Variants in ERCC6 observed in about 807,000 individuals in gnomAD.
ERCC6 encodes the protein ERCC excision repair 6, chromatin remodeling factor, also known as DNA excision repair protein ERCC-6.
A neutral mutation model predicts 158.7 loss-of-function variants in ERCC6; 116 were observed. The ratio of observed to expected loss-of-function variants is 0.73; its 90% CI spans 0.63 to 0.85. ERCC6 has a LOEUF of 0.85. Among genes scored for constraint, ERCC6 ranks in the 40% least tolerant of loss-of-function variants. The pLI, the probability that ERCC6 is intolerant of heterozygous loss-of-function variation, is 0.00. For synonymous variants in ERCC6, 678 were observed against 659.3 expected (o/e 1.03, Z -0.43); for missense variants, 1,698 against 1,799.4 (o/e 0.94, Z 1.02).
chr10:49,454,740 A>T lies in ERCC6; in HGVS notation c.*4075T>A, dbSNP rs1764042226. Among the ~76,000 whole-genome samples the T allele has an allele frequency of 1.3e-5, 2 of 152,210 alleles. No homozygotes were observed. Among genetic ancestry groups the T allele is most frequent in the Non-Finnish European group, 2.9e-5 (2 of 68,034 alleles). ...AAAAGCTATACAATTATATCAATAT[A>T]TACCAGAAAAGACTTTGAGGACAAT... On this transcript the variant is annotated 3_prime_UTR_variant, in exon 21 of 21. Transcript: ENST00000355832.
At chr10:49,486,663 A>C (rs1424272169) in intron 8 of ERCC6, among the ~76,000 whole-genome samples, 1 of 152,242 alleles carries the variant, frequency 6.6e-6, no homozygotes, top group Non-Finnish European at 1.5e-5. Context: ...TGATAGCTAA[A>C]AAGTTCGTTG....
At chr10:49,488,081 A>G (rs1163489610) in intron 8 of ERCC6, 4 of 172,940 alleles carry the variant, frequency 2.3e-5, no homozygotes, top group Middle Eastern at 5.2e-4. Flanking sequence ...GCGGTTTCAA[A>G]TTAAAAGCTT....
intron 5 of ERCC6, among the ~76,000 whole-genome samples, chr10:49,511,789 C>A (rs1015914047): frequency 6.6e-6 from 1 of 152,180 alleles, no homozygotes; most frequent in South Asian, 2.1e-4. Context: ...TAGAAGAGAA[C>A]CCAACAACAG....
intron 1 of ERCC6, among the ~76,000 whole-genome samples, chr10:49,534,517 T>C (rs568251866): frequency 6.6e-6 from 1 of 152,170 alleles, no homozygotes; most frequent in Admixed American, 6.5e-5. Context: ...AACACACTTA[T>C]GCTGAAAAAA....
At chr10:49,461,241 G>A in intron 19 of ERCC6, 111 bp downstream of exon 19, 2 of 1,125,678 alleles carry the variant, frequency 1.8e-6, no homozygotes, top group Non-Finnish European at 1.3e-6. Context: ...CCTCCCTGGG[G>A]ATTTATTCCT....
At chr10:49,472,082 T>C (rs1004379266) in intron 16 of ERCC6, among the ~76,000 whole-genome samples, 5 of 152,320 alleles carry the variant, frequency 3.3e-5, no homozygotes, top group East Asian at 1.9e-4. Flanking sequence ...CAACACACCA[T>C]AGCAGGCAGA....
At chr10:49,460,885 T>A (rs1198747453) in intron 19 of ERCC6, among the ~76,000 whole-genome samples, 1 of 149,918 alleles carries the variant, frequency 6.7e-6, no homozygotes, top group Admixed American at 6.6e-5. Flanking sequence ...CGAGACTCCA[T>A]CTCTAAAAAA....
At chr10:49,482,610 T>C (rs1406369409) in intron 10 of ERCC6, 77 bp downstream of exon 10, 33 of 1,299,464 alleles carry the variant, frequency 2.5e-5, no homozygotes, top group Non-Finnish European at 3.6e-5. Flanking sequence ...CTGAATGACT[T>C]GGCTACAAAT....
At chr10:49,441,053 A>G in the ERCC6 span, among the ~76,000 whole-genome samples, 2 of 152,244 alleles carry the variant, frequency 1.3e-5, no homozygotes, top group Admixed American at 6.5e-5. Context: ...TCAGTTGGAG[A>G]AAATGAAGAA....
intron 7 of ERCC6, among the ~76,000 whole-genome samples, chr10:49,496,764 T>TC (rs1851274377): frequency 6.6e-6 from 1 of 152,122 alleles, no homozygotes; most frequent in African/African-American, 2.4e-5. Flanking sequence ...GCTGAGATTG[T>TC]GCCACTGCAC....
chr10:49,515,425 A>G (rs1241928248), intron 5 of ERCC6: 3 of 1,614,174 alleles, frequency 1.9e-6, no homozygotes, highest in South Asian at 1.1e-5. Flanking sequence ...CATTCAGCGC[A>G]TCGCGTTTGC....
intron 1 of ERCC6, among the ~76,000 whole-genome samples, chr10:49,535,097 C>A (rs1282225659): frequency 3.3e-5 from 5 of 152,172 alleles, no homozygotes; most frequent in Non-Finnish European, 7.3e-5. Flanking sequence ...ATAGGAGGTG[C>A]TCAATATCTG....
intron 8 of ERCC6, among the ~76,000 whole-genome samples, chr10:49,492,687 T>C (rs979071481): frequency 2.0e-5 from 3 of 152,214 alleles, no homozygotes; most frequent in Non-Finnish European, 4.4e-5. Flanking sequence ...ATTCTCAAGA[T>C]GGAAGGTTAA....
At chr10:49,515,090 G>GTGC (rs1242912375) in intron 5 of ERCC6, 1 of 797,352 alleles carries the variant, frequency 1.3e-6, no homozygotes, top group Non-Finnish European at 1.7e-6. Flanking sequence ...AGAAGGCAAT[G>GTGC]TGCTCTCTAA....
At chr10:49,492,395 C>T (rs1438483117) in intron 8 of ERCC6, among the ~76,000 whole-genome samples, 4 of 152,252 alleles carry the variant, frequency 2.6e-5, no homozygotes, top group South Asian at 2.1e-4. Flanking sequence ...AGTGAAACTG[C>T]GTGATTATTA....
At position 49,472,999 on chromosome 10, in the gene ERCC6, G is replaced by C; in HGVS notation, c.2739C>G (p.Thr913=). Residue 913 remains threonine, a synonymous_variant, in exon 15 of 21, where the codon ACC becomes ACG. Transcript: ENST00000355832. ...TGACACCTAAGCCGCCCACCCGCGT[G>C]GTCAGAAGAAACACAAATATGGATG... is the stretch of plus-strand genomic sequence containing the variant. ...EDTSIFVFLL[T]TRVGGLGVNL... is the part of the protein sequence containing the mutation. 6.2e-7 allele frequency: 1 copy of C among 1,614,076 alleles called. No individual in the cohort carries two copies. Among genetic ancestry groups the C allele is most frequent in the Non-Finnish European group, 8.5e-7 (1 of 1,179,992 alleles).
Position 49,470,287 on chromosome 10 carries a change from G to T in ERCC6, c.3673C>A (p.Leu1225Met). ...TTCTGGTAACGCCTTTTCTTCACCA[G>T]GTGTGGAATTCGAGTTCCTTCAAAC... ...AKFEGTRIPHLVKKRRYQKQD... is the reference protein window; with the variant it reads ...AKFEGTRIPHMVKKRRYQKQD... Residue 1225 changes from leucine to methionine, a missense_variant, in exon 18 of 21, where the codon CTG becomes ATG. Coordinates refer to ENST00000355832, the MANE Select transcript of ERCC6 (RefSeq NM_000124.4). The T allele has an allele frequency of 6.2e-7, 1 of 1,614,084 alleles. No individual in the cohort carries two copies. Among genetic ancestry groups the T allele is most frequent in the South Asian group, 1.1e-5 (1 of 91,072 alleles).
At chr10:49,450,491 A>C (rs10776572), downstream of ERCC6, among the ~76,000 whole-genome samples, 134,899 of 152,228 alleles carry the variant, frequency 0.89, 59,822 homozygotes, top group East Asian at 1. Context: ...GGGTCCCTTG[A>C]AATTTCATAT....
intron 5 of ERCC6, chr10:49,516,723 G>A (rs1332852486): frequency 2.5e-6 from 4 of 1,613,968 alleles, no homozygotes; most frequent in Admixed American, 1.7e-5. Flanking sequence ...ATCGTTTGGT[G>A]GTGCTGTAAC....
Sources: allele counts gnomAD v4.1 joint callset (sites outside exome capture counted in the v4.1 genomes callset), GRCh38; gene constraint gnomAD v4.1.1; transcripts MANE v1.5; gene names NCBI Gene and HGNC (gene_info 2026-07-23, HGNC 2026-07-21).